Variants in ASH2L observed in about 807,000 individuals in gnomAD.
ASH2L encodes set1/Ash2 histone methyltransferase complex subunit ASH2.
In ASH2L, 30 loss-of-function variants were observed where a neutral mutation model predicts 81.1. The ratio of observed to expected loss-of-function variants is 0.37; its 90% CI spans 0.28 to 0.50. The LOEUF (loss-of-function observed/expected upper bound fraction) is 0.50. ASH2L is among the 20% of genes least tolerant of loss of function. ASH2L has a pLI of 0.95. For missense variants in ASH2L, 559 were observed against 792.1 expected (o/e 0.71, Z 3.53); for synonymous variants, 273 against 279.9 (o/e 0.98, Z 0.24).
intron 9 of ASH2L, among the ~76,000 whole-genome samples, chr8:38,120,622 C>T: frequency 4.3e-5 from 1 of 23,468 alleles, no homozygotes; most frequent in Non-Finnish European, 1.0e-4. Flanking sequence ...CTCCCTTCCC[C>T]CCCCCCCCCC....
chr8:38,132,569 C>CG (rs1802101149), intron 12 of ASH2L, among the ~76,000 whole-genome samples: 1 of 152,062 alleles, frequency 6.6e-6, no homozygotes, highest in Admixed American at 6.6e-5. Context: ...GAGGCTGAGG[C>CG]GGGTGGATCA....
chr8:38,133,727 C>T (rs2130576284), intron 13 of ASH2L, among the ~76,000 whole-genome samples, 181 bp downstream of exon 13: 1 of 152,308 alleles, frequency 6.6e-6, no homozygotes, highest in Non-Finnish European at 1.5e-5. Flanking sequence ...TAGTACCATG[C>T]TTCTGCTGTT....
chr8:38,128,265 C>T, intron 10 of ASH2L, 26 bp from the exon 11 acceptor site: 1 of 1,613,132 alleles, frequency 6.2e-7, no homozygotes, highest in Non-Finnish European at 8.5e-7. Flanking sequence ...AAGTTGCAGG[C>T]CTTCTTTTAA....
At chr8:38,106,263 C>T in intron 1 of ASH2L, 115 bp from the exon 2 acceptor site, 2 of 1,366,798 alleles carry the variant, frequency 1.5e-6, no homozygotes, top group Non-Finnish European at 2.1e-6. Context: ...TCAGGCTTAG[C>T]TGAAAAAGCT....
intron 13 of ASH2L, among the ~76,000 whole-genome samples, chr8:38,133,864 G>A (rs1308388530): frequency 6.6e-6 from 1 of 152,110 alleles, no homozygotes; most frequent in Non-Finnish European, 1.5e-5. Context: ...TGACGATGGC[G>A]GTTTTGTGGA....
intron 12 of ASH2L, among the ~76,000 whole-genome samples, chr8:38,132,357 T>A (rs948350264): frequency 4.6e-5 from 7 of 152,352 alleles, no homozygotes; most frequent in East Asian, 3.9e-4. Flanking sequence ...TGAAATTTTT[T>A]AAATTAATGT....
chr8:38,111,742 A>G lies in ASH2L; in HGVS notation c.585+909A>G, dbSNP rs145602282. Among the ~76,000 whole-genome samples the G allele has an allele frequency of 2.6e-3, 401 of 152,216 alleles. 2 individuals are homozygous for G. Among genetic ancestry groups the G allele is most frequent in the African/African-American group, 9.2e-3 (383 of 41,550 alleles). Reference sequence around the variant, plus strand: ...TGCTACATTTGTTTTATGTCCCCATATATCTGTTTTTCCCTTAAGCTATAT... The same window carrying G: ...TGCTACATTTGTTTTATGTCCCCATGTATCTGTTTTTCCCTTAAGCTATAT... On this transcript the variant is annotated intron_variant, in intron 5 of 15. Transcript: ENST00000343823.
chr8:38,135,257 G>A lies in ASH2L; in HGVS notation c.1621-411G>A, dbSNP rs143260748. On this transcript the variant is annotated intron_variant, in intron 13 of 15. Coordinates refer to ENST00000343823, the MANE Select transcript of ASH2L (RefSeq NM_004674.5). ...AAGCCCCGGACTTTGAGACCAGTCT[G>A]GGCAATACAGTGAGATCTGTCTCTA... Among the ~76,000 whole-genome samples the A allele has an allele frequency of 7.2e-5, 11 of 152,174 alleles. No individual in the cohort carries two copies. In the East Asian group the frequency reaches 2.1e-3, roughly 29 times the overall value.
chr8:38,112,256 TC>T (rs1810715172), intron 5 of ASH2L, among the ~76,000 whole-genome samples: 1 of 152,162 alleles, frequency 6.6e-6, no homozygotes, highest in Non-Finnish European at 1.5e-5. Context: ...GCTTTGGCCT[TC>T]CAAACGTCTG....
At chr8:38,135,108 C>T (rs903871765) in intron 13 of ASH2L, among the ~76,000 whole-genome samples, 2 of 152,042 alleles carry the variant, frequency 1.3e-5, no homozygotes, top group Non-Finnish European at 2.9e-5. Context: ...CCAAGCTAGT[C>T]TTCAACTCCT....
In ASH2L at chr8:38,133,586, T is replaced by C. The variant is rs1481409999; in HGVS notation, c.1620+40T>C. The C allele has an allele frequency of 3.5e-6, 5 of 1,446,678 alleles. No individual in the cohort carries two copies. The Admixed American group carries it at 6.2e-5, about 18-fold the overall frequency. 89.6% of individuals were successfully genotyped at this position (1,446,678 alleles called of 1,614,324 possible). A position where few individuals can be genotyped will look rare whatever the true frequency, so the allele number is the denominator to read the frequency against. ...TAAGAACATTAGAATCATAAGGCCT[T>C]GAGCGTTAGGACCCATTCCTTCATT... On this transcript the variant is annotated intron_variant, in intron 13 of 15. Transcript: ENST00000343823.
At chr8:38,133,168 T>A (rs1802125637) in intron 12 of ASH2L, among the ~76,000 whole-genome samples, 1 of 152,208 alleles carries the variant, frequency 6.6e-6, no homozygotes, top group Non-Finnish European at 1.5e-5. Context: ...GATGTGTGAA[T>A]TTAGCCACTT....
chr8:38,116,328 T>G (rs1256925603), intron 7 of ASH2L, among the ~76,000 whole-genome samples: 8 of 152,042 alleles, frequency 5.3e-5, no homozygotes, highest in African/African-American at 1.9e-4. Flanking sequence ...ATCGCGCCAC[T>G]GCACTCCAGC....
At chr8:38,110,496 A>G (rs1193087191) in intron 4 of ASH2L, 29 bp downstream of exon 4, 2 of 1,583,958 alleles carry the variant, frequency 1.3e-6, no homozygotes, top group Non-Finnish European at 1.7e-6. Flanking sequence ...GTATTTGAAG[A>G]TGATTATCCA....
At chr8:38,122,141 T>A (rs1801654048) in intron 10 of ASH2L, among the ~76,000 whole-genome samples, 5 of 152,226 alleles carry the variant, frequency 3.3e-5, no homozygotes, top group Admixed American at 2.0e-4. Context: ...TCCAATACTT[T>A]GATTATTTTG....
chr8:38,110,623 T>C, intron 4 of ASH2L, 116 bp from the exon 5 acceptor site: 1 of 1,138,938 alleles, frequency 8.8e-7, no homozygotes, highest in Middle Eastern at 1.9e-4. Context: ...TCAGGTCACA[T>C]GATGACTCCA....
At chr8:38,106,284 G>A in intron 1 of ASH2L, 94 bp from the exon 2 acceptor site, 1 of 1,413,532 alleles carries the variant, frequency 7.1e-7, no homozygotes, top group Admixed American at 1.7e-5. Flanking sequence ...GCAGGAGTAT[G>A]AAGTTCGGCT....
intron 5 of ASH2L, among the ~76,000 whole-genome samples, chr8:38,111,481 G>A (rs189755899): frequency 6.6e-6 from 1 of 152,038 alleles, no homozygotes; most frequent in Non-Finnish European, 1.5e-5. Context: ...TTGACCTCCT[G>A]GGCTCAGGTG....
intron 12 of ASH2L, among the ~76,000 whole-genome samples, chr8:38,130,357 C>G (rs1300230097): frequency 6.8e-6 from 1 of 146,724 alleles, no homozygotes; most frequent in Non-Finnish European, 1.5e-5. Flanking sequence ...TCACCTGCTT[C>G]AGCCTCCCAA....
Sources: gnomAD v4.1 joint callset for allele counts (sites outside exome capture counted in the v4.1 genomes callset) on GRCh38, gnomAD v4.1.1 for gene constraint, MANE v1.5 for transcripts, NCBI Gene and HGNC (gene_info 2026-07-23, HGNC 2026-07-21) for gene names.